The following LARP1 variants were observed in gnomAD, a reference collection of about 807,000 sequenced individuals.
The protein encoded by LARP1 is La ribonucleoprotein 1, translational regulator.
A neutral mutation model predicts 122.7 loss-of-function variants in LARP1; 36 were observed. The ratio of observed to expected loss-of-function variants is 0.29; its 90% CI spans 0.22 to 0.39. The LOEUF (loss-of-function observed/expected upper bound fraction) is 0.39, where lower values mean the gene tolerates loss of function less well. LARP1 is among the 10% of genes least tolerant of loss of function. The pLI, the probability that LARP1 is intolerant of heterozygous loss-of-function variation, is 1.00. For missense variants in LARP1, 1,040 were observed against 1,403.6 expected (o/e 0.74, Z 4.14); for synonymous variants, 539 against 528.7 (o/e 1.02, Z -0.27).
At position 154,745,800 on chromosome 5, in the gene LARP1, T is replaced by G. The variant is rs996920791; in HGVS notation, c.205+32670T>G. Among the ~76,000 whole-genome samples, 42 of 151,920 alleles carry G rather than the reference T, an allele frequency of 2.8e-4. 1 individual carries two copies. The highest frequency in any genetic ancestry group is 5.6e-4 in the Non-Finnish European group (38 of 67,926). ...GCTGGGCCTAAACCCAACTGTTTTT[T>G]TTTTTTTTTTTCTTGAGACGAAGTC... On this transcript the variant is annotated intron_variant, in intron 1 of 18. Coordinates refer to the LARP1 transcript ENST00000336314.
At chr5:154,804,754 C>G (rs1260855402) in intron 14 of LARP1, 10 of 456,162 alleles carry the variant, frequency 2.2e-5, no homozygotes, top group Admixed American at 2.1e-4. Flanking sequence ...AGGGCCCACA[C>G]TCTTTTTTAT....
intron 10 of LARP1, among the ~76,000 whole-genome samples, chr5:154,800,539 T>C (rs1331883535): frequency 6.6e-6 from 1 of 152,144 alleles, no homozygotes; most frequent in Non-Finnish European, 1.5e-5. Flanking sequence ...GGGAAGCCTG[T>C]TCATACCTCA....
rs563489355 is a variant in LARP1, at chr5:154,803,093, T to G, written c.2110-197T>G. 4.6e-5 allele frequency among the ~76,000 whole-genome samples: 7 copies of G among 152,272 alleles called. 1 individual carries two copies. The East Asian group carries it at 9.6e-4, about 21-fold the overall frequency. ...GAGGGCAGGGCAAGCACTGTCTTCT[T>G]CTGGGCTAGCACACTTGTGCCAAGG... is the stretch of plus-strand genomic sequence containing the variant. On this transcript the variant is annotated intron_variant, in intron 11 of 18. Coordinates refer to ENST00000518297, the MANE Select transcript of LARP1 (RefSeq NM_033551.3). This position sits in a 1 kb window ranked among gnomAD's most constrained non-coding sequence, Gnocchi z 4.4.
At chr5:154,809,328 A>G (rs1759057294) in intron 16 of LARP1, among the ~76,000 whole-genome samples, 1 of 151,510 alleles carries the variant, frequency 6.6e-6, no homozygotes, top group Admixed American at 6.6e-5. Context: ...AAAAAAAAAA[A>G]AAAGACCTCC....
chr5:154,763,928 C>T (rs1754690972), intron 1 of LARP1, among the ~76,000 whole-genome samples: 1 of 151,852 alleles, frequency 6.6e-6, no homozygotes, highest in South Asian at 2.1e-4. Context: ...GTGGGAGGAT[C>T]ACTTGAGCCT....
At position 154,793,934 on chromosome 5, in the gene LARP1, G is replaced by A; in HGVS notation, c.1003G>A (p.Ala335Thr). 6.2e-7 allele frequency: 1 copy of A among 1,613,974 alleles called. No homozygotes were observed. The highest frequency in any genetic ancestry group is 1.1e-5 in the South Asian group (1 of 91,086). ...VKSDGAGGAR[A>T]SFRGRGRGRG... The stretch of plus-strand genomic sequence containing the variant: ...GAGTGATGGGGCTGGTGGGGCGCGG[G>A]CTTCCTTCCGTGGCCGTGGACGGGG... The change falls in exon 6 of 19, where the codon GCT (alanine) becomes ACT (threonine). Residue 335 changes from alanine to threonine, a missense_variant. By Grantham distance (58) the Ala-to-Thr change is moderately conservative (BLOSUM62 0). Around this residue, in one of 8 missense-constraint regions of LARP1, gnomAD observed 178 missense variants for 178.3 expected, o/e 1.00. Coordinates refer to ENST00000518297, the MANE Select transcript of LARP1 (RefSeq NM_033551.3).
intron 1 of LARP1, among the ~76,000 whole-genome samples, chr5:154,780,338 C>G (rs2113714720): frequency 6.6e-6 from 1 of 152,352 alleles, no homozygotes; most frequent in African/African-American, 2.4e-5. Context: ...AAAGCACCCT[C>G]CCCTGTGGTC....
intron 1 of LARP1, among the ~76,000 whole-genome samples, chr5:154,715,604 G>A (rs778356094): frequency 1.3e-5 from 2 of 152,098 alleles, no homozygotes; most frequent in African/African-American, 2.4e-5. Context: ...ACTCCTAAAC[G>A]TTTTCCTTGG....
intron 1 of LARP1, chr5:154,729,568 G>T: frequency 2.3e-6 from 1 of 434,798 alleles, no homozygotes; most frequent in Admixed American, 2.5e-5. Flanking sequence ...AGAAAAAGAA[G>T]AAAGCCAAAG....
chr5:154,776,664 T>G (rs937365356), intron 1 of LARP1, among the ~76,000 whole-genome samples: 1 of 152,184 alleles, frequency 6.6e-6, no homozygotes, highest in Non-Finnish European at 1.5e-5. Flanking sequence ...CCTTCTTAAA[T>G]TAATTTCTGG....
At chr5:154,777,456 G>A (rs1379969112) in intron 1 of LARP1, among the ~76,000 whole-genome samples, 1 of 152,150 alleles carries the variant, frequency 6.6e-6, no homozygotes, top group African/African-American at 2.4e-5. Context: ...AGGAGACAGA[G>A]GTTGCAGTGA....
In LARP1 at chr5:154,808,439, C is replaced by A. The variant is rs1346708727; in HGVS notation, c.2699-20C>A. On this transcript the variant is annotated intron_variant, in intron 15 of 18. Transcript: ENST00000518297. ...CAGCCTGAACCTGAGACATGCCTTT[C>A]CTCCTTTCTTTCCCATCAGAGCGGA... The A allele has an allele frequency of 6.2e-7, 1 of 1,608,458 alleles. No individual in the cohort carries two copies.
chr5:154,790,277 C>A, intron 1 of LARP1, 48 bp from the exon 2 acceptor site: 1 of 1,512,748 alleles, frequency 6.6e-7, no homozygotes, highest in Non-Finnish European at 9.1e-7. Context: ...GGCAGTAGCC[C>A]CCTCACATGG....
intron 1 of LARP1, among the ~76,000 whole-genome samples, chr5:154,714,278 A>G (rs1755370624): frequency 2.6e-5 from 4 of 152,190 alleles, no homozygotes; most frequent in Admixed American, 2.0e-4. Context: ...ATTTTCTCCA[A>G]TCACTGTGTG....
At chr5:154,714,911 G>A (rs530599964) in intron 1 of LARP1, among the ~76,000 whole-genome samples, 2 of 152,322 alleles carry the variant, frequency 1.3e-5, no homozygotes, top group African/African-American at 4.8e-5. Context: ...CGGGTGCGGT[G>A]GCTCACGCCT....
Position 154,765,465 on chromosome 5 carries a change from A to G in LARP1, c.436+9272A>G, listed in dbSNP as rs553592276. Among the ~76,000 whole-genome samples, 8 of 152,276 alleles carry G rather than the reference A, an allele frequency of 5.3e-5. No homozygotes were observed. The East Asian group carries it at 1.5e-3, about 29-fold the overall frequency. On this transcript the variant is annotated intron_variant, in intron 1 of 18. Coordinates refer to ENST00000518297, the MANE Select transcript of LARP1 (RefSeq NM_033551.3). ...CAGTGCAGCAGTGCAATCACGGCTC[A>G]CTGCAGACTCAACCTCCCAGGCTCA...
rs191768831 is a variant in LARP1, at chr5:154,703,095, G to A, written c.-180+20058G>A. ...AAGATCGCACCACTGCACTCTAGCC[G>A]GGGCAACAGAGTGAGACGCTGTCTC... On this transcript the variant is annotated intron_variant, in intron 1 of 18. Transcript: ENST00000687700. Among the ~76,000 whole-genome samples the A allele has an allele frequency of 7.6e-5, 11 of 144,812 alleles. No homozygotes were observed. In the East Asian group the frequency reaches 1.4e-3, roughly 19 times the overall value.
At chr5:154,692,243 A>T (rs981137701) in intron 1 of LARP1, among the ~76,000 whole-genome samples, 1 of 152,216 alleles carries the variant, frequency 6.6e-6, no homozygotes, top group Non-Finnish European at 1.5e-5. Context: ...GGAAGTGCTT[A>T]GAGATGTTTA....
chr5:154,694,208 C>A (rs1052586914), intron 1 of LARP1, among the ~76,000 whole-genome samples: 2 of 152,004 alleles, frequency 1.3e-5, no homozygotes, highest in Non-Finnish European at 2.9e-5. Flanking sequence ...TTGATTATAT[C>A]TTGATTTATT....
Sources: allele counts gnomAD v4.1 joint callset (sites outside exome capture counted in the v4.1 genomes callset), GRCh38; gene constraint gnomAD v4.1.1; regional missense constraint gnomAD v4.1.1; non-coding constraint Gnocchi (gnomAD v3.1); transcripts MANE v1.5; gene names NCBI Gene and HGNC (gene_info 2026-07-23, HGNC 2026-07-21).